DGKB: variants seen among roughly 807,000 people sequenced by gnomAD.
The protein encoded by DGKB is 90 kDa diacylglycerol kinase.
A neutral mutation model predicts 114.3 loss-of-function variants in DGKB; 67 were observed. The observed-to-expected ratio is 0.59, with a 90% CI of 0.48 to 0.72. The LOEUF is 0.72. Ranked by LOEUF, DGKB falls within the 30% of genes least tolerant of loss-of-function variation. The pLI is 0.00. For synonymous variants in DGKB, 398 were observed against 323.1 expected (o/e 1.23, Z -2.49); for missense variants, 907 against 975.2 (o/e 0.93, Z 0.93).
At position 14,263,029 on chromosome 7, in the gene DGKB, T is replaced by TTCTA. The variant is rs932195832; in HGVS notation, c.2122+75482_2122+75485dup. On this transcript the variant is annotated intron_variant, in intron 23 of 25. Coordinates refer to ENST00000402815, the MANE Select transcript of DGKB (RefSeq NM_001350709.2). The stretch of plus-strand genomic sequence containing the variant: ...AGTTAACATCCTGAAGGGCTGCACA[T>TTCTA]TCTATCTTAGAAATACTATGCATTA... 1.1e-4 allele frequency among the ~76,000 whole-genome samples: 17 copies of TTCTA among 152,182 alleles called. No individual in the cohort carries two copies. In the South Asian group the frequency reaches 1.5e-3, roughly 13 times the overall value.
chr7:14,272,721 G>A (rs1298941229), intron 23 of DGKB, among the ~76,000 whole-genome samples: 4 of 152,102 alleles, frequency 2.6e-5, no homozygotes, highest in African/African-American at 4.8e-5. Context: ...AGTGAATCCC[G>A]TAAGAACTAG....
At chr7:14,940,978 T>G (rs1785540468) in intron 1 of DGKB, among the ~76,000 whole-genome samples, 1 of 152,072 alleles carries the variant, frequency 6.6e-6, no homozygotes, top group African/African-American at 2.4e-5. Context: ...GAAATACGAC[T>G]TTGATAGGAG....
intron 20 of DGKB, among the ~76,000 whole-genome samples, chr7:14,502,024 G>A (rs1786265877): frequency 6.6e-6 from 1 of 151,902 alleles, no homozygotes; most frequent in African/African-American, 2.4e-5. Flanking sequence ...ATTGTAGCTT[G>A]TCTCAATAGT....
chr7:14,407,949 A>G (rs1399509285), intron 21 of DGKB, among the ~76,000 whole-genome samples: 1 of 152,114 alleles, frequency 6.6e-6, no homozygotes, highest in Non-Finnish European at 1.5e-5. Context: ...CAGTCTGGAT[A>G]GGGCATAAGG....
chr7:14,966,095 TA>T (rs1342649558), intron 1 of DGKB, among the ~76,000 whole-genome samples: 2 of 152,112 alleles, frequency 1.3e-5, no homozygotes, highest in African/African-American at 4.8e-5. Flanking sequence ...ATGGTTGAAA[TA>T]AAATCTTAAT....
At chr7:14,649,315 G>A (rs1813888771) in intron 13 of DGKB, among the ~76,000 whole-genome samples, 2 of 151,776 alleles carry the variant, frequency 1.3e-5, no homozygotes, top group African/African-American at 4.8e-5. Context: ...AACCCCACAA[G>A]CCAGAAGACA....
At chr7:14,385,854 A>G (rs945450264) in intron 21 of DGKB, among the ~76,000 whole-genome samples, 6 of 152,226 alleles carry the variant, frequency 3.9e-5, no homozygotes, top group Non-Finnish European at 7.3e-5. Flanking sequence ...ATATTTCAAG[A>G]CAGCTGCAAT....
At chr7:14,319,168 A>G (rs1000367019) in intron 23 of DGKB, among the ~76,000 whole-genome samples, 1 of 151,524 alleles carries the variant, frequency 6.6e-6, no homozygotes, top group Non-Finnish European at 1.5e-5. Context: ...GGATAGCATT[A>G]GGAGATATAC....
chr7:14,648,704 G>T (rs961730651), intron 13 of DGKB, among the ~76,000 whole-genome samples: 2 of 150,944 alleles, frequency 1.3e-5, no homozygotes, highest in Non-Finnish European at 3.0e-5. Context: ...TCTGAGCTAC[G>T]GGAGGACATT....
At chr7:14,947,744 G>T (rs1008687165) in intron 1 of DGKB, among the ~76,000 whole-genome samples, 1 of 151,588 alleles carries the variant, frequency 6.6e-6, no homozygotes, top group Non-Finnish European at 1.5e-5. Context: ...TATATACTCA[G>T]TTCCCCAGAA....
intron 2 of DGKB, among the ~76,000 whole-genome samples, chr7:14,802,272 C>T (rs902454443): frequency 1.3e-5 from 2 of 152,024 alleles, no homozygotes; most frequent in African/African-American, 2.4e-5. Context: ...GTAGTTATGT[C>T]TATAATTCAC....
At chr7:14,517,633 C>A (rs906428804) in intron 20 of DGKB, among the ~76,000 whole-genome samples, 9 of 151,908 alleles carry the variant, frequency 5.9e-5, no homozygotes, top group Admixed American at 5.3e-4. Flanking sequence ...CAAAACACCT[C>A]ATTAAAAAGT....
At chr7:14,806,738 C>T (rs1842832836) in intron 2 of DGKB, among the ~76,000 whole-genome samples, 1 of 151,840 alleles carries the variant, frequency 6.6e-6, no homozygotes, top group South Asian at 2.1e-4. Context: ...TCATAAGCTG[C>T]CCTCCTTTTC....
intron 1 of DGKB, among the ~76,000 whole-genome samples, chr7:14,970,595 A>G (rs1038779294): frequency 2.5e-4 from 38 of 152,182 alleles, no homozygotes; most frequent in African/African-American, 8.9e-4. Flanking sequence ...AAAAACACAT[A>G]GCATATCCTC....
In DGKB at chr7:14,924,302, T is replaced by A. The variant is rs1458206017; in HGVS notation, c.-188+50394A>T. On this transcript the variant is annotated intron_variant, in intron 1 of 4. Transcript: ENST00000437998. ...ATATTGCTATTGATTCAGCTGTCAG[T>A]CAAATTGTGATTTCCTAGAAGGCAA... 4.6e-5 allele frequency among the ~76,000 whole-genome samples: 7 copies of A among 152,318 alleles called. No homozygotes were observed. The East Asian group carries it at 1.4e-3, about 29-fold the overall frequency.
intron 4 of DGKB, among the ~76,000 whole-genome samples, chr7:14,739,431 G>A (rs1832220754): frequency 6.6e-6 from 1 of 152,178 alleles, no homozygotes; most frequent in Non-Finnish European, 1.5e-5. Context: ...CAGCTCATGT[G>A]TGGTGGCCTG....
intron 17 of DGKB, among the ~76,000 whole-genome samples, chr7:14,601,808 A>G (rs372360347): frequency 1.3e-4 from 20 of 152,176 alleles, no homozygotes; most frequent in Middle Eastern, 6.8e-3. Context: ...CTTGTTCCCC[A>G]TTTTCGTATG....
intron 21 of DGKB, among the ~76,000 whole-genome samples, chr7:14,460,361 A>G (rs1242869313): frequency 1.3e-5 from 2 of 152,066 alleles, no homozygotes; most frequent in African/African-American, 4.8e-5. Flanking sequence ...CCCACCTCAC[A>G]TGCAAAGACA....
intron 17 of DGKB, among the ~76,000 whole-genome samples, chr7:14,602,979 C>A (rs1803831316): frequency 6.6e-6 from 1 of 152,066 alleles, no homozygotes; most frequent in South Asian, 2.1e-4. Context: ...AAAAGCTAGA[C>A]TTTTCAACAT....
Sources: allele counts gnomAD v4.1 joint callset (sites outside exome capture counted in the v4.1 genomes callset), GRCh38; gene constraint gnomAD v4.1.1; transcripts MANE v1.5; gene names NCBI Gene and HGNC (gene_info 2026-07-23, HGNC 2026-07-21).